The following CCSER2 variants were observed in gnomAD, a reference collection of about 807,000 sequenced individuals.
CCSER2 encodes the protein serine-rich coiled-coil domain-containing protein 2.
Under a neutral mutation model 92.3 loss-of-function variants are expected in CCSER2, and 46 were observed. The ratio of observed to expected loss-of-function variants is 0.50; its 90% CI spans 0.39 to 0.64. The LOEUF is 0.64. CCSER2 is among the 30% of genes least tolerant of loss of function. CCSER2 has a pLI of 0.00. For missense variants in CCSER2, 1,244 were observed against 1,238.9 expected (o/e 1.00, Z -0.06); for synonymous variants, 433 against 431.4 (o/e 1.00, Z -0.04).
chr10:84,512,395 T>TGAGA (rs889502745), intron 9 of CCSER2, among the ~76,000 whole-genome samples: 32 of 129,804 alleles, frequency 2.5e-4, no homozygotes, highest in African/African-American at 7.4e-4. Context: ...TGTGTGTGTG[T>TGAGA]GAGAGAGAGA....
intron 3 of CCSER2, among the ~76,000 whole-genome samples, chr10:84,377,466 T>C (rs1445209714): frequency 1.3e-5 from 2 of 152,228 alleles, no homozygotes; most frequent in Non-Finnish European, 2.9e-5. Flanking sequence ...TGACTGCATA[T>C]ATAAATATTT....
At chr10:84,475,649 C>G (rs1847094859) in intron 8 of CCSER2, among the ~76,000 whole-genome samples, 1 of 151,956 alleles carries the variant, frequency 6.6e-6, no homozygotes, top group African/African-American at 2.4e-5. Context: ...AGGTGTGACC[C>G]CATTATAAAT....
chr10:84,378,534 A>G (rs1341604625), intron 3 of CCSER2, among the ~76,000 whole-genome samples: 1 of 148,562 alleles, frequency 6.7e-6, no homozygotes, highest in Non-Finnish European at 1.5e-5. Flanking sequence ...TCCCAGGTTC[A>G]AGCGTTTCTT....
At chr10:84,457,246 A>G (rs1845692748) in intron 6 of CCSER2, among the ~76,000 whole-genome samples, 1 of 68,460 alleles carries the variant, frequency 1.5e-5, no homozygotes, top group Non-Finnish European at 2.8e-5. Flanking sequence ...ATTATATATT[A>G]TATATTATAT....
At chr10:84,487,826 A>G (rs1847900940) in intron 9 of CCSER2, among the ~76,000 whole-genome samples, 1 of 152,208 alleles carries the variant, frequency 6.6e-6, no homozygotes, top group South Asian at 2.1e-4. Context: ...GCCAGTTTCA[A>G]AGGGAATGCT....
intron 6 of CCSER2, among the ~76,000 whole-genome samples, chr10:84,439,192 TC>T (rs1253457562): frequency 3.0e-4 from 17 of 56,756 alleles, no homozygotes; most frequent in Admixed American, 1.9e-3. Flanking sequence ...TTTTTTTTTT[TC>T]TTTTCTTTTT....
intron 1 of CCSER2, among the ~76,000 whole-genome samples, chr10:84,336,117 A>G (rs1438483076): frequency 6.6e-6 from 1 of 152,130 alleles, no homozygotes; most frequent in Non-Finnish European, 1.5e-5. Context: ...CTAGCTAGAG[A>G]TGTAGACTTG....
rs753359820 is a variant in CCSER2 at position 84,438,556 on chromosome 10, A to T, written c.1913A>T (p.Tyr638Phe). ...RESPLGHFES[Y>F]GGMPFFQAQK... ...TCTCCTTTGGGTCATTTTGAAAGCT[A>T]TGGAGGGATGCCCTTTTTCCAGGCT... Residue 638 changes from tyrosine to phenylalanine, a missense_variant, in exon 6 of 10, where the codon TAT (tyrosine) becomes TTT (phenylalanine). Physicochemically the swap from Tyr to Phe is conservative, Grantham distance 22. Coordinates refer to ENST00000372088, the MANE Select transcript of CCSER2 (RefSeq NM_001284240.2). The T allele has an allele frequency of 5.6e-6, 9 of 1,613,564 alleles. No individual in the cohort carries two copies. The highest frequency in any genetic ancestry group is 7.6e-6 in the Non-Finnish European group (9 of 1,179,658).
chr10:84,424,940 G>A, intron 4 of CCSER2: 1 of 974,454 alleles, frequency 1.0e-6, no homozygotes, highest in Non-Finnish European at 1.2e-6. Flanking sequence ...CTGTTCAGCA[G>A]TGCCTTGGGT....
Position 84,425,807 on chromosome 10 carries a change from G to C in CCSER2, c.1782G>C (p.Arg594Ser), listed in dbSNP as rs754303811. 2.0e-5 allele frequency: 33 copies of C among 1,613,298 alleles called. No individual in the cohort carries two copies. Among genetic ancestry groups the C allele is most frequent in the Non-Finnish European group, 2.5e-5 (30 of 1,179,540 alleles). Reference protein sequence around the residue: ...VRQPQEGFWKRPPQRWSGQEH... With the variant: ...VRQPQEGFWKSPPQRWSGQEH... ...AGCCTCAGGAAGGTTTTTGGAAAAG[G>C]CCACCCCAGAGGTGGAGTGGACAGG... Residue 594 changes from arginine (R) to serine (S), a missense_variant, in exon 5 of 10, where the codon AGG (arginine) becomes AGC (serine). By Grantham distance (110) the Arg-to-Ser change is moderately radical (BLOSUM62 -1). Transcript: ENST00000372088.
chr10:84,436,432 G>A (rs893314980), intron 5 of CCSER2, among the ~76,000 whole-genome samples: 9 of 146,868 alleles, frequency 6.1e-5, no homozygotes, highest in Admixed American at 1.4e-4. Context: ...TCAGGAAATC[G>A]AGACCATCCT....
chr10:84,506,796 AAAATAAATAAAT>A (rs144088295), intron 9 of CCSER2, among the ~76,000 whole-genome samples: 4 of 147,964 alleles, frequency 2.7e-5, no homozygotes, highest in East Asian at 3.9e-4. Context: ...CTCCATCTCA[AAAATAAATAAAT>A]AAATAAATAA....
At chr10:84,465,340 T>TTTTA (rs1846351846) in intron 7 of CCSER2, among the ~76,000 whole-genome samples, 1 of 144,164 alleles carries the variant, frequency 6.9e-6, no homozygotes, top group South Asian at 2.2e-4. Context: ...TTTTTTTTTT[T>TTTTA]TTTAGACGGA....
intron 3 of CCSER2, among the ~76,000 whole-genome samples, chr10:84,394,976 C>T (rs141290281): frequency 1.4e-3 from 210 of 152,104 alleles, no homozygotes; most frequent in African/African-American, 4.9e-3. Context: ...GTAATTCCAG[C>T]ACTTTGTGAG....
chr10:84,425,233 T>C (rs1843367945), intron 4 of CCSER2: 2 of 856,148 alleles, frequency 2.3e-6, no homozygotes, highest in Non-Finnish European at 1.4e-6. Context: ...AAATGTGAGC[T>C]TAATTTTAAA....
chr10:84,372,074 A>T lies in CCSER2; in HGVS notation c.1022A>T (p.Asn341Ile), dbSNP rs1846091641. The T allele has an allele frequency of 3.7e-6, 6 of 1,613,868 alleles. No individual in the cohort carries two copies. The highest frequency in any genetic ancestry group is 3.4e-6 in the Non-Finnish European group (4 of 1,179,832). The change falls in exon 2 of 10, where the codon AAT becomes ATT. Residue 341 changes from asparagine (N) to isoleucine (I), a missense_variant. Coordinates refer to ENST00000372088, the MANE Select transcript of CCSER2 (RefSeq NM_001284240.2). ...SGTMTVDGNKNSPADTCVEED... is the reference protein window; with the variant it reads ...SGTMTVDGNKISPADTCVEED... The stretch of plus-strand genomic sequence containing the variant: ...ACTATGACAGTTGATGGAAATAAAA[A>T]TTCACCTGCTGACACATGTGTAGAG...
chr10:84,379,504 C>G (rs534616572), intron 3 of CCSER2, among the ~76,000 whole-genome samples: 1 of 152,018 alleles, frequency 6.6e-6, no homozygotes, highest in East Asian at 1.9e-4. Flanking sequence ...TGATTTTTAG[C>G]CTTTCTCCCT....
chr10:84,424,970 C>A (rs952642117), intron 4 of CCSER2: 5 of 984,276 alleles, frequency 5.1e-6, no homozygotes, highest in Non-Finnish European at 6.0e-6. Flanking sequence ...TCTGAGTAGG[C>A]AGCCGGTAAC....
At chr10:84,478,756 C>T (rs1217012831) in intron 9 of CCSER2, among the ~76,000 whole-genome samples, 2 of 152,090 alleles carry the variant, frequency 1.3e-5, no homozygotes, top group African/African-American at 2.4e-5. Context: ...AGTTAAAGTG[C>T]TGTGTAAGTC....
Sources: allele counts gnomAD v4.1 joint callset (sites outside exome capture counted in the v4.1 genomes callset), GRCh38; gene constraint gnomAD v4.1.1; transcripts MANE v1.5; gene names NCBI Gene and HGNC (gene_info 2026-07-23, HGNC 2026-07-21).